MAGI1: variants seen among roughly 807,000 people sequenced by gnomAD.
MAGI1 encodes membrane-associated guanylate kinase, WW and PDZ domain-containing protein 1.
A neutral mutation model predicts 139.9 loss-of-function variants in MAGI1; 58 were observed. The ratio of observed to expected loss-of-function variants is 0.41; its 90% CI spans 0.34 to 0.52. The LOEUF (loss-of-function observed/expected upper bound fraction) is 0.52. Ranked by LOEUF, MAGI1 falls within the 20% of genes least tolerant of loss-of-function variation. The probability of loss-of-function intolerance (pLI) is 0.12; values close to 1 mark genes in which losing one functional copy is unlikely to be tolerated. For synonymous variants in MAGI1, 812 were observed against 737.9 expected, an observed-to-expected ratio of 1.10 and a Z score of -1.63; for missense variants, 1,874 against 1,901.6, an observed-to-expected ratio of 0.99 and a Z score of 0.27.
chr3:65,869,723 T>A (rs1417365496), intron 1 of MAGI1, among the ~76,000 whole-genome samples: 7 of 152,104 alleles, frequency 4.6e-5, no homozygotes, highest in Non-Finnish European at 1.0e-4. Flanking sequence ...AACTGATGTA[T>A]TCCAAGGGCC....
intron 5 of MAGI1, among the ~76,000 whole-genome samples, chr3:65,458,169 A>T (rs78232503): frequency 1.3e-5 from 2 of 152,138 alleles, no homozygotes; most frequent in South Asian, 2.1e-4. Context: ...CATTGGGTAT[A>T]TGGACTCCAC....
chr3:65,960,601 G>A (rs760857972), intron 1 of MAGI1, among the ~76,000 whole-genome samples: 12 of 152,182 alleles, frequency 7.9e-5, no homozygotes, highest in South Asian at 4.1e-4. Context: ...GAAAAAGTGC[G>A]TAATCCTAAT....
At position 65,626,801 on chromosome 3, in the gene MAGI1, C is replaced by A. The variant is rs117056371; in HGVS notation, c.314-4713G>T. Among the ~76,000 whole-genome samples the A allele has an allele frequency of 1.9e-4, 29 of 152,330 alleles. No homozygotes were observed. The East Asian group carries it at 5.4e-3, about 28-fold the overall frequency. On this transcript the variant is annotated intron_variant, in intron 1 of 22. Transcript: ENST00000402939. ...TACTCTGAGTTCCATGACATTTGGA[C>A]ATGAAAAGTCTCAACCTTCACATTC... is the stretch of plus-strand genomic sequence containing the variant.
chr3:65,440,074 T>A lies in MAGI1; in HGVS notation c.1137-62A>T. The A allele has an allele frequency of 1.9e-6, 3 of 1,576,492 alleles. No homozygotes were observed. The South Asian group carries it at 3.3e-5, about 18-fold the overall frequency. On this transcript the variant is annotated intron_variant, in intron 8 of 22. Coordinates refer to ENST00000402939, the MANE Select transcript of MAGI1 (RefSeq NM_001033057.2). Reference sequence around the variant, plus strand: ...GTTCATCCCACCAGCAAAATGCCAATCAGACCAAGTCCCTGGAATCAAACT... The same window carrying A: ...GTTCATCCCACCAGCAAAATGCCAAACAGACCAAGTCCCTGGAATCAAACT...
chr3:65,777,007 G>A (rs1404134759), intron 1 of MAGI1, among the ~76,000 whole-genome samples: 1 of 152,148 alleles, frequency 6.6e-6, no homozygotes, highest in Non-Finnish European at 1.5e-5. Flanking sequence ...GAAGGGCACT[G>A]GGGCCTAGCA....
intron 2 of MAGI1, among the ~76,000 whole-genome samples, chr3:65,505,488 T>G (rs923796530): frequency 6.6e-6 from 1 of 151,782 alleles, no homozygotes; most frequent in Non-Finnish European, 1.5e-5. Context: ...TAAAAAAATT[T>G]TTTTAAATTA....
At chr3:65,668,718 T>C (rs2107447983) in intron 1 of MAGI1, among the ~76,000 whole-genome samples, 1 of 151,358 alleles carries the variant, frequency 6.6e-6, no homozygotes, top group African/African-American at 2.4e-5. Context: ...AGGCGTGCTG[T>C]AATTTTTGTA....
At chr3:65,876,761 TGAGACAGA>T (rs2060132417) in intron 1 of MAGI1, among the ~76,000 whole-genome samples, 1 of 151,030 alleles carries the variant, frequency 6.6e-6, no homozygotes, top group African/African-American at 2.4e-5. Context: ...TTTTTTTTTT[TGAGACAGA>T]GTCTTGCTCT....
At chr3:65,424,607 T>C (rs1483136907) in intron 12 of MAGI1, among the ~76,000 whole-genome samples, 1 of 152,120 alleles carries the variant, frequency 6.6e-6, no homozygotes, top group African/African-American at 2.4e-5. Context: ...GCATCTCCAA[T>C]AGCAAGTCCC....
At chr3:66,031,143 G>C (rs1199589271) in intron 1 of MAGI1, among the ~76,000 whole-genome samples, 1 of 152,200 alleles carries the variant, frequency 6.6e-6, no homozygotes, top group Non-Finnish European at 1.5e-5. Flanking sequence ...AAAAAGACAG[G>C]CAGGCATGCA....
At chr3:65,975,152 CA>C (rs34166020) in intron 1 of MAGI1, among the ~76,000 whole-genome samples, 2 of 151,386 alleles carry the variant, frequency 1.3e-5, no homozygotes, top group Non-Finnish European at 2.9e-5. Context: ...CTTCCTAACC[CA>C]AAAATGATTG....
intron 1 of MAGI1, among the ~76,000 whole-genome samples, chr3:65,708,491 C>A (rs924462115): frequency 6.6e-6 from 1 of 152,144 alleles, no homozygotes; most frequent in African/African-American, 2.4e-5. Flanking sequence ...CCTCACTTAA[C>A]TCAGAACATC....
chr3:65,541,270 C>T (rs972507326), intron 2 of MAGI1, among the ~76,000 whole-genome samples: 1 of 151,928 alleles, frequency 6.6e-6, no homozygotes, highest in South Asian at 2.1e-4. Flanking sequence ...GAAATTGAGG[C>T]AATAATTAAT....
chr3:65,699,620 C>A (rs1471563718), intron 1 of MAGI1, among the ~76,000 whole-genome samples: 1 of 148,664 alleles, frequency 6.7e-6, no homozygotes, highest in South Asian at 2.1e-4. Flanking sequence ...AGTAAACTAT[C>A]GCAACAACAA....
chr3:65,459,546 T>C (rs544446039), intron 5 of MAGI1, among the ~76,000 whole-genome samples: 2 of 152,214 alleles, frequency 1.3e-5, no homozygotes, highest in African/African-American at 4.8e-5. Context: ...AAGATAACCA[T>C]ATAATCTGCA....
chr3:65,859,320 G>C (rs913014913), intron 1 of MAGI1, among the ~76,000 whole-genome samples: 7 of 151,942 alleles, frequency 4.6e-5, no homozygotes, highest in Non-Finnish European at 8.8e-5. Context: ...AAACTTTATG[G>C]GAGGCCATTG....
intron 2 of MAGI1, among the ~76,000 whole-genome samples, chr3:65,575,231 A>G (rs2081130696): frequency 6.6e-6 from 1 of 152,144 alleles, no homozygotes; most frequent in Non-Finnish European, 1.5e-5. Flanking sequence ...AGAGTAAAAT[A>G]TTTGAATTAA....
intron 1 of MAGI1, among the ~76,000 whole-genome samples, chr3:65,643,048 G>C (rs2085067258): frequency 6.6e-6 from 1 of 152,140 alleles, no homozygotes; most frequent in Non-Finnish European, 1.5e-5. Flanking sequence ...TCAGTTCTTG[G>C]CTTAAATATA....
intron 1 of MAGI1, among the ~76,000 whole-genome samples, chr3:65,845,991 A>C (rs568738769): frequency 6.6e-6 from 1 of 152,300 alleles, no homozygotes; most frequent in African/African-American, 2.4e-5. Context: ...AAAAGCTTAA[A>C]TCTTTCTTTT....
Sources: gnomAD v4.1 joint callset for allele counts (sites outside exome capture counted in the v4.1 genomes callset) on GRCh38, gnomAD v4.1.1 for gene constraint, MANE v1.5 for transcripts, NCBI Gene and HGNC (gene_info 2026-07-23, HGNC 2026-07-21) for gene names.